GFPT1: variants seen among roughly 807,000 people sequenced by gnomAD.
GFPT1 encodes glutamine--fructose-6-phosphate transaminase 1.
In GFPT1, 40 loss-of-function variants were observed where a neutral mutation model predicts 92.0. That is an observed-to-expected ratio of 0.43 (90% CI 0.34 to 0.57). The LOEUF (loss-of-function observed/expected upper bound fraction) is 0.57, where lower values mean the gene tolerates loss of function less well. GFPT1 is among the 20% of genes least tolerant of loss of function. The probability of loss-of-function intolerance (pLI) is 0.02; values close to 1 mark genes in which losing one functional copy is unlikely to be tolerated. For synonymous variants in GFPT1, 269 were observed against 280.6 expected (o/e 0.96, Z 0.41); for missense variants, 448 against 869.1 (o/e 0.52, Z 6.09).
rs979951157 is a variant in GFPT1, at chr2:69,338,411, T to C, written c.1324+34A>G. ...TGCTAGAATTATTAGAAAGAATAACTTTCCTTCCTTTTAAGTCTTTAAAAT... is the reference window on the plus strand; with the variant it reads ...TGCTAGAATTATTAGAAAGAATAACCTTCCTTCCTTTTAAGTCTTTAAAAT... On this transcript the variant is annotated intron_variant, in intron 14 of 19. Transcript: ENST00000357308. 5.1e-6 allele frequency: 8 copies of C among 1,573,708 alleles called. No homozygotes were observed. In the Admixed American group the frequency reaches 6.7e-5, roughly 13 times the overall value.
chr2:69,350,063 A>G lies in GFPT1; in HGVS notation c.845+15T>C, dbSNP rs1671169964. 9 of 1,552,616 alleles carry G rather than the reference A, an allele frequency of 5.8e-6. No individual in the cohort carries two copies. The highest frequency in any genetic ancestry group is 8.0e-6 in the Non-Finnish European group (9 of 1,123,918). On this transcript the variant is annotated intron_variant, in intron 10 of 19. Coordinates refer to ENST00000357308, the MANE Select transcript of GFPT1 (RefSeq NM_001244710.2). ...TTTTACTAAAAATCTCTTTGAATCA[A>G]CTAAGGAAGCTCACCTTGCATCAGA...
Position 69,338,428 on chromosome 2 carries a change from C to T in GFPT1, c.1324+17G>A, listed in dbSNP as rs1340323419. On this transcript the variant is annotated intron_variant, in intron 14 of 19. Transcript: ENST00000357308. Reference sequence around the variant, plus strand: ...AGAATAACTTTCCTTCCTTTTAAGTCTTTAAAATTAACACACCTGATTGAC... The same window carrying T: ...AGAATAACTTTCCTTCCTTTTAAGTTTTTAAAATTAACACACCTGATTGAC... The T allele has an allele frequency of 1.9e-6, 3 of 1,600,936 alleles. No individual in the cohort carries two copies. Among genetic ancestry groups the T allele is most frequent in the Admixed American group, 3.4e-5 (2 of 59,620 alleles).
chr2:69,385,350 C>G (rs1446391296), intron 1 of GFPT1, among the ~76,000 whole-genome samples: 2 of 152,004 alleles, frequency 1.3e-5, no homozygotes, highest in Non-Finnish European at 2.9e-5. Flanking sequence ...CTCAGCCTCC[C>G]GAGTAGCTGG....
In GFPT1 at chr2:69,350,763, C is replaced by A. The variant is rs147032419; in HGVS notation, c.740-580G>T. On this transcript the variant is annotated intron_variant, in intron 9 of 19. Coordinates refer to ENST00000357308, the MANE Select transcript of GFPT1 (RefSeq NM_001244710.2). ...ACTGAAAATACAAAAATTGGCCAGACGTGGTGGCAGACGCCTATAATCCCA... is the reference window on the plus strand; with the variant it reads ...ACTGAAAATACAAAAATTGGCCAGAAGTGGTGGCAGACGCCTATAATCCCA... 6.0e-3 allele frequency among the ~76,000 whole-genome samples: 917 copies of A among 151,948 alleles called. 11 individuals are homozygous for A. The highest frequency in any genetic ancestry group is 0.02 in the African/African-American group (819 of 41,444).
At chr2:69,367,979 T>G (rs180865828) in intron 3 of GFPT1, among the ~76,000 whole-genome samples, 4 of 152,218 alleles carry the variant, frequency 2.6e-5, no homozygotes, top group Admixed American at 2.6e-4. Flanking sequence ...CCAGGTGCAG[T>G]GGTTCAAGCC....
At chr2:69,350,794 T>C (rs930571909) in intron 9 of GFPT1, among the ~76,000 whole-genome samples, 27 of 151,688 alleles carry the variant, frequency 1.8e-4, no homozygotes, top group African/African-American at 6.3e-4. Flanking sequence ...TCCCAGCTAC[T>C]TGGGAGGCTT....
At chr2:69,336,384 T>C (rs1670799780) in intron 15 of GFPT1, among the ~76,000 whole-genome samples, 1 of 151,362 alleles carries the variant, frequency 6.6e-6, no homozygotes, top group South Asian at 2.1e-4. Context: ...GAAGAATTTT[T>C]ATATAAGAAT....
At chr2:69,359,240 TG>T in intron 5 of GFPT1, 27 bp downstream of exon 5, 1 of 1,260,612 alleles carries the variant, frequency 7.9e-7, no homozygotes, top group Non-Finnish European at 1.2e-6. Context: ...TCTCAAAGAC[TG>T]GGGTCTTTTG....
intron 12 of GFPT1, among the ~76,000 whole-genome samples, chr2:69,344,507 A>T (rs547225570): frequency 6.6e-6 from 1 of 152,294 alleles, no homozygotes; most frequent in East Asian, 1.9e-4. Context: ...ATACATGGGG[A>T]GTAGTTTGGT....
chr2:69,336,274 G>A (rs1453683676), intron 15 of GFPT1, among the ~76,000 whole-genome samples: 9 of 149,550 alleles, frequency 6.0e-5, no homozygotes, highest in Non-Finnish European at 1.2e-4. Flanking sequence ...AGGAGGCGGG[G>A]GTTGCAGTGA....
chr2:69,377,109 G>A (rs1359754195), intron 1 of GFPT1, among the ~76,000 whole-genome samples: 1 of 146,166 alleles, frequency 6.8e-6, no homozygotes, highest in African/African-American at 2.6e-5. Context: ...TCAGGCGGCT[G>A]AAGCAGGAGA....
At chr2:69,360,865 G>A (rs912094970) in intron 4 of GFPT1, among the ~76,000 whole-genome samples, 1 of 152,100 alleles carries the variant, frequency 6.6e-6, no homozygotes, top group Admixed American at 6.6e-5. Context: ...CTCTCAAGTA[G>A]CTGGGATTAC....
chr2:69,337,866 A>C, intron 15 of GFPT1, 32 bp downstream of exon 15: 1 of 1,562,910 alleles, frequency 6.4e-7, no homozygotes, highest in Non-Finnish European at 8.8e-7. Context: ...CTATGATTAA[A>C]TAATCATCAG....
chr2:69,377,908 G>C (rs1671917397), intron 1 of GFPT1, among the ~76,000 whole-genome samples: 2 of 152,240 alleles, frequency 1.3e-5, no homozygotes, highest in South Asian at 4.1e-4. Context: ...ATGTTCACAA[G>C]GGAGGCATTC....
rs749151796 is a variant in GFPT1, at chr2:69,373,976, GC to G, written c.115+29del. ...AAATAGTATCTATTTAAAGAATCAT[GC>G]AAAATCCATAGTATTTTTTTTAAAG... On this transcript the variant is annotated intron_variant, in intron 2 of 19. Transcript: ENST00000357308. The G allele has an allele frequency of 6.1e-6, 6 of 986,860 alleles. No individual in the cohort carries two copies. In the Admixed American group the frequency reaches 6.8e-5, roughly 11 times the overall value. The allele number at this position is 986,860 out of a possible 1,614,324, so 61.1% of individuals were successfully genotyped here. A position where few individuals can be genotyped will look rare whatever the true frequency, so the allele number is the denominator to read the frequency against.
chr2:69,329,242 T>C (rs1670602848), intron 17 of GFPT1, 55 bp downstream of exon 17: 7 of 1,542,146 alleles, frequency 4.5e-6, no homozygotes, highest in Admixed American at 1.7e-5. Context: ...AGTATGACTA[T>C]GTGTCAGGTC....
chr2:69,358,744 C>T lies in GFPT1; in HGVS notation c.409-281G>A, dbSNP rs866516954. Among the ~76,000 whole-genome samples, 6 of 152,244 alleles carry T rather than the reference C, an allele frequency of 3.9e-5. No individual in the cohort carries two copies. The Middle Eastern group carries it at 0.02, about 518-fold the overall frequency. Reference sequence around the variant, plus strand: ...ATTAAATAAAATTTAAAATTCAGTTCCTCAGTCATACTAGCTCAACAACCA... The same window carrying T: ...ATTAAATAAAATTTAAAATTCAGTTTCTCAGTCATACTAGCTCAACAACCA... On this transcript the variant is annotated intron_variant, in intron 5 of 19. Transcript: ENST00000357308.
chr2:69,360,705 A>G (rs1035303137), intron 4 of GFPT1, among the ~76,000 whole-genome samples: 3 of 152,110 alleles, frequency 2.0e-5, no homozygotes, highest in Non-Finnish European at 4.4e-5. Context: ...TCTTGAGATT[A>G]CAGACATGAG....
At chr2:69,386,450 C>G (rs1672131285) in intron 1 of GFPT1, among the ~76,000 whole-genome samples, 1 of 152,186 alleles carries the variant, frequency 6.6e-6, no homozygotes, top group African/African-American at 2.4e-5. Context: ...CCTATCGCCA[C>G]AGACATTTGA....
Sources: gnomAD v4.1 joint callset for allele counts (sites outside exome capture counted in the v4.1 genomes callset) on GRCh38, gnomAD v4.1.1 for gene constraint, MANE v1.5 for transcripts, NCBI Gene and HGNC (gene_info 2026-07-23, HGNC 2026-07-21) for gene names.